DZIP3: variants seen among roughly 807,000 people sequenced by gnomAD.
DZIP3 encodes the protein E3 ubiquitin-protein ligase DZIP3.
In DZIP3, 118 loss-of-function variants were observed where a neutral mutation model predicts 162.0. That is an observed-to-expected ratio of 0.73 (90% CI 0.63 to 0.85). The LOEUF (loss-of-function observed/expected upper bound fraction) is 0.85. DZIP3 is among the 40% of genes least tolerant of loss of function. The probability of loss-of-function intolerance (pLI) is 0.00; values close to 1 mark genes in which losing one functional copy is unlikely to be tolerated. For synonymous variants in DZIP3, 438 were observed against 458.6 expected, an observed-to-expected ratio of 0.96 and a Z score of 0.57; for missense variants, 1,331 against 1,407.0, an observed-to-expected ratio of 0.95 and a Z score of 0.86.
chr3:108,611,224 A>G lies in DZIP3; in HGVS notation c.153A>G (p.Leu51=), dbSNP rs77617763. ...IPTDLVPVNL[L]LEVKKLLNAI... ...CTGATCTTGTCCCTGTTAACCTACT[A>G]TTAGAAGTGAAGAAGTTATTAAATG... The change falls in exon 4 of 33, where the codon CTA becomes CTG. Residue 51 remains leucine (L), a synonymous_variant. Coordinates refer to ENST00000361582, the MANE Select transcript of DZIP3 (RefSeq NM_014648.4). 2.7e-3 allele frequency: 4,313 copies of G among 1,611,858 alleles called. 104 individuals are homozygous for G. The African/African-American group carries it at 0.05, about 19-fold the overall frequency.
At chr3:108,657,941 T>C (rs1344378068) in intron 19 of DZIP3, among the ~76,000 whole-genome samples, 3 of 152,120 alleles carry the variant, frequency 2.0e-5, no homozygotes, top group Non-Finnish European at 2.9e-5. Flanking sequence ...AAGAGCTAAC[T>C]ATCCTAAATA....
chr3:108,610,750 A>G (rs1940659019), intron 3 of DZIP3, among the ~76,000 whole-genome samples: 1 of 152,214 alleles, frequency 6.6e-6, no homozygotes, highest in Non-Finnish European at 1.5e-5. Context: ...TCAGTTAACA[A>G]TTACTGTGCC....
intron 19 of DZIP3, among the ~76,000 whole-genome samples, chr3:108,656,543 A>G (rs1486081637): frequency 3.4e-5 from 5 of 146,540 alleles, no homozygotes; most frequent in African/African-American, 8.3e-5. Context: ...AAAGATGGGG[A>G]AAAAACAGAG....
chr3:108,643,313 A>C (rs1033070848), intron 13 of DZIP3, among the ~76,000 whole-genome samples: 1 of 152,156 alleles, frequency 6.6e-6, no homozygotes, highest in African/African-American at 2.4e-5. Context: ...AATACCAAAT[A>C]GTTCAGTTTC....
Position 108,644,708 on chromosome 3 carries a change from C to T in DZIP3, c.1686C>T (p.Tyr562=). The part of the protein sequence containing the change: ...ENPIENISLD[Y]HQLSVYLGIP... Reference sequence around the variant, plus strand: ...CCATTGAGAATATCTCCCTTGATTACCATCAGCTATCTGTCTACCTAGGCA... The same window carrying T: ...CCATTGAGAATATCTCCCTTGATTATCATCAGCTATCTGTCTACCTAGGCA... The change falls in exon 14 of 33, where the codon TAC becomes TAT. Residue 562 remains tyrosine (Y), a synonymous_variant. Coordinates refer to ENST00000361582, the MANE Select transcript of DZIP3 (RefSeq NM_014648.4). 1 of 1,612,830 alleles carries T rather than the reference C, an allele frequency of 6.2e-7. No individual in the cohort carries two copies. The highest frequency in any genetic ancestry group is 1.3e-5 in the African/African-American group (1 of 75,044).
At chr3:108,673,148 TGTATGTAA>T (rs1341675111) in intron 23 of DZIP3, among the ~76,000 whole-genome samples, 1 of 151,974 alleles carries the variant, frequency 6.6e-6, no homozygotes, top group African/African-American at 2.4e-5. Flanking sequence ...ATTGTATGTG[TGTATGTAA>T]TTTTTATTTA....
chr3:108,674,231 A>C, intron 24 of DZIP3, 50 bp downstream of exon 24: 10 of 1,462,786 alleles, frequency 6.8e-6, no homozygotes, highest in Non-Finnish European at 8.6e-6. Context: ...GATGTTAGCA[A>C]GTGTCTCCAC....
At chr3:108,619,488 G>A (rs185432348) in intron 5 of DZIP3, among the ~76,000 whole-genome samples, 21 of 152,172 alleles carry the variant, frequency 1.4e-4, no homozygotes, top group African/African-American at 4.6e-4. Flanking sequence ...ACCCAGGAAC[G>A]CTTGTGATAT....
intron 10 of DZIP3, 22 bp downstream of exon 10, chr3:108,634,994 C>T (rs1384372942): frequency 1.4e-6 from 2 of 1,405,046 alleles, no homozygotes; most frequent in Admixed American, 3.7e-5. Flanking sequence ...GTTCTTAAAA[C>T]TACAACAGCA....
intron 32 of DZIP3, among the ~76,000 whole-genome samples, chr3:108,693,096 A>G (rs1003316258): frequency 6.6e-6 from 1 of 151,632 alleles, no homozygotes; most frequent in Non-Finnish European, 1.5e-5. Flanking sequence ...TTACCCAGTT[A>G]TGTCAAGAGA....
chr3:108,652,556 C>T (rs1165409930), intron 18 of DZIP3, among the ~76,000 whole-genome samples: 2 of 151,778 alleles, frequency 1.3e-5, no homozygotes, highest in Non-Finnish European at 3.0e-5. Flanking sequence ...GTGTAGCTGT[C>T]ATAACATTGT....
rs545514930 is a variant in DZIP3 at position 108,644,924 on chromosome 3, T to C, written c.1759+143T>C. On this transcript the variant is annotated intron_variant, in intron 14 of 32. Transcript: ENST00000361582. ...CTCATCAGGAAGGTAATAGAAATTA[T>C]AGTGCTAGAGATGTTTCCAGAATAC... The C allele has an allele frequency of 5.2e-6, 4 of 774,450 alleles. No homozygotes were observed. In the Admixed American group the frequency reaches 1.2e-4, roughly 23 times the overall value. The allele number at this position is 774,450 out of a possible 1,614,324, so 48.0% of individuals were successfully genotyped here. A position where few individuals can be genotyped will look rare whatever the true frequency, so the allele number is the denominator to read the frequency against.
At chr3:108,653,811 C>T (rs2107244584) in intron 18 of DZIP3, among the ~76,000 whole-genome samples, 1 of 151,968 alleles carries the variant, frequency 6.6e-6, no homozygotes, top group East Asian at 1.9e-4. Flanking sequence ...AAATGCTTGC[C>T]AATATTTCTG....
chr3:108,615,394 T>C (rs1024150791), intron 4 of DZIP3, among the ~76,000 whole-genome samples: 1 of 152,186 alleles, frequency 6.6e-6, no homozygotes, highest in African/African-American at 2.4e-5. Context: ...GTAGGTGAAG[T>C]TCTTGGCTAG....
intron 26 of DZIP3, among the ~76,000 whole-genome samples, chr3:108,682,996 GT>G (rs1944375657): frequency 6.6e-6 from 1 of 150,874 alleles, no homozygotes; most frequent in East Asian, 1.9e-4. Flanking sequence ...GACTTTACAT[GT>G]AAAAAATTTG....
chr3:108,686,713 G>A (rs748341972), intron 28 of DZIP3, 129 bp downstream of exon 28: 9 of 1,152,724 alleles, frequency 7.8e-6, no homozygotes, highest in African/African-American at 3.2e-5. Context: ...TCCTTACCTT[G>A]ACCTTGGTAA....
chr3:108,656,251 G>A (rs1032424316), intron 19 of DZIP3, among the ~76,000 whole-genome samples: 3 of 152,168 alleles, frequency 2.0e-5, no homozygotes, highest in African/African-American at 4.8e-5. Context: ...CCCCAGTAGG[G>A]GCAGACTGAC....
chr3:108,633,323 G>A (rs1438515054), intron 9 of DZIP3, among the ~76,000 whole-genome samples: 3 of 151,844 alleles, frequency 2.0e-5, no homozygotes, highest in Non-Finnish European at 2.9e-5. Context: ...AGATTCACAT[G>A]CATCTGAAGT....
intron 14 of DZIP3, among the ~76,000 whole-genome samples, chr3:108,646,382 G>C (rs1942622453): frequency 6.6e-6 from 1 of 152,142 alleles, no homozygotes; most frequent in South Asian, 2.1e-4. Flanking sequence ...GGCTTTATCT[G>C]TGATACCACA....
Sources: allele counts gnomAD v4.1 joint callset (sites outside exome capture counted in the v4.1 genomes callset), GRCh38; gene constraint gnomAD v4.1.1; transcripts MANE v1.5; gene names NCBI Gene and HGNC (gene_info 2026-07-23, HGNC 2026-07-21).